The following USP32 variants were observed in gnomAD, a reference collection of about 807,000 sequenced individuals.
USP32 encodes the protein ubiquitin carboxyl-terminal hydrolase 32.
USP32 carries 59 observed loss-of-function variants against 204.8 expected under a neutral mutation model. The observed-to-expected ratio is 0.29, with a 90% CI of 0.23 to 0.36. The LOEUF is 0.36. Ranked by LOEUF, USP32 falls within the 10% of genes least tolerant of loss-of-function variation. USP32 has a pLI of 1.00. For missense variants in USP32, 1,160 were observed against 1,946.4 expected, an observed-to-expected ratio of 0.60 and a Z score of 7.60; for synonymous variants, 517 against 678.4, an observed-to-expected ratio of 0.76 and a Z score of 3.70.
chr17:60,421,625 G>A (rs1205269805), intron 1 of USP32: 6 of 974,454 alleles, frequency 6.2e-6, no homozygotes, highest in African/African-American at 5.3e-5. Flanking sequence ...CCGGGACCCC[G>A]CCGTGTGCCG....
At chr17:60,293,389 T>C (rs923917807) in intron 4 of USP32, among the ~76,000 whole-genome samples, 1 of 152,224 alleles carries the variant, frequency 6.6e-6, no homozygotes, top group Non-Finnish European at 1.5e-5. Flanking sequence ...TGCTAGATTA[T>C]CTTTTTTTCT....
In USP32 at chr17:60,219,614, C is replaced by T. The variant is rs539200731; in HGVS notation, c.1867+56G>A. On this transcript the variant is annotated intron_variant, in intron 16 of 33. Coordinates refer to ENST00000300896, the MANE Select transcript of USP32 (RefSeq NM_032582.4). ...AAGGAAATGCATGGTATTCTTGCTG[C>T]ATTCTTAAGTTACCTCTCGGTAAAT... 5.1e-4 allele frequency: 348 copies of T among 682,186 alleles called. 1 individual carries two copies. The African/African-American group carries it at 7.3e-3, about 14-fold the overall frequency. 42.3% of individuals were successfully genotyped at this position (682,186 alleles called of 1,614,324 possible).
upstream of USP32, among the ~76,000 whole-genome samples, chr17:60,395,893 C>G (rs1024419344): frequency 6.6e-6 from 1 of 151,956 alleles, no homozygotes; most frequent in African/African-American, 2.4e-5. Flanking sequence ...AGAGGGAGGT[C>G]AATACAATAG....
At chr17:60,266,844 C>A (rs377278378) in intron 7 of USP32, among the ~76,000 whole-genome samples, 1 of 151,750 alleles carries the variant, frequency 6.6e-6, no homozygotes, top group Non-Finnish European at 1.5e-5. Context: ...TTAGTAGAGA[C>A]GGGGTTTCAC....
intron 7 of USP32, among the ~76,000 whole-genome samples, chr17:60,268,347 T>C (rs2086646532): frequency 6.6e-6 from 1 of 151,224 alleles, no homozygotes; most frequent in East Asian, 1.9e-4. Context: ...GGTGGGCGGA[T>C]CATTTAAGGC....
intron 1 of USP32, among the ~76,000 whole-genome samples, chr17:60,397,455 G>A (rs1413906879): frequency 6.6e-6 from 1 of 152,094 alleles, no homozygotes; most frequent in Admixed American, 6.5e-5. Context: ...CTCAAACCCT[G>A]GGCTCAAGAA....
At chr17:60,198,677 A>C (rs1032103310) in intron 26 of USP32, among the ~76,000 whole-genome samples, 4 of 152,256 alleles carry the variant, frequency 2.6e-5, no homozygotes, top group African/African-American at 9.6e-5. Flanking sequence ...CTATTCTATC[A>C]AATTTGGGTT....
chr17:60,218,838 GC>G (rs2085170676), intron 16 of USP32, among the ~76,000 whole-genome samples: 1 of 152,102 alleles, frequency 6.6e-6, no homozygotes, highest in South Asian at 2.1e-4. Flanking sequence ...CAAGTAATCT[GC>G]CCACCTCAGC....
At chr17:60,414,674 C>A (rs1235468504) in intron 1 of USP32, among the ~76,000 whole-genome samples, 1 of 152,008 alleles carries the variant, frequency 6.6e-6, no homozygotes, top group East Asian at 1.9e-4. Flanking sequence ...GGAGATCCAC[C>A]CGCCTTGGCC....
At chr17:60,392,718 G>A (rs2146148870), upstream of USP32, 1 of 413,612 alleles carries the variant, frequency 2.4e-6, no homozygotes, top group East Asian at 8.3e-5. Flanking sequence ...GAATCTCAAG[G>A]CTTTCCTGTG....
Position 60,247,514 on chromosome 17 carries a change from G to GT in USP32, c.1136+4866dup, listed in dbSNP as rs1209722169. Among the ~76,000 whole-genome samples the GT allele has an allele frequency of 3.3e-5, 5 of 152,154 alleles. No homozygotes were observed. The South Asian group carries it at 1.0e-3, about 32-fold the overall frequency. On this transcript the variant is annotated intron_variant, in intron 11 of 33. Coordinates refer to ENST00000300896, the MANE Select transcript of USP32 (RefSeq NM_032582.4). ...CATTTTGATTTGATTTTAGTGTATG[G>GT]TAAGAAATTGGGAACTGGTTTCATT... is the stretch of plus-strand genomic sequence containing the variant.
At chr17:60,267,576 G>A (rs2086626489) in intron 7 of USP32, among the ~76,000 whole-genome samples, 1 of 151,466 alleles carries the variant, frequency 6.6e-6, no homozygotes, top group African/African-American at 2.4e-5. Flanking sequence ...CACCCAGGCT[G>A]GAGTGCAGTT....
chr17:60,420,627 A>T (rs537490845), intron 1 of USP32, among the ~76,000 whole-genome samples: 41 of 152,330 alleles, frequency 2.7e-4, no homozygotes, highest in African/African-American at 6.7e-4. Context: ...AGATCACGCC[A>T]TTGCTCCAGC....
At chr17:60,202,316 T>G (rs2084697276) in intron 26 of USP32, among the ~76,000 whole-genome samples, 1 of 152,244 alleles carries the variant, frequency 6.6e-6, no homozygotes, top group Admixed American at 6.5e-5. Flanking sequence ...CATATCTTTG[T>G]GAAATAAATC....
intron 28 of USP32, among the ~76,000 whole-genome samples, chr17:60,191,355 T>G (rs2084374765): frequency 7.2e-6 from 1 of 138,654 alleles, no homozygotes; most frequent in South Asian, 2.4e-4. Flanking sequence ...TGAGCCGAGG[T>G]TGCACCACTG....
intron 27 of USP32, among the ~76,000 whole-genome samples, chr17:60,196,003 A>G (rs113408126): frequency 0.062 from 9,461 of 152,260 alleles, 1,055 homozygotes; most frequent in African/African-American, 0.22. Flanking sequence ...CGGGTGCAGC[A>G]GCTCACGCCT....
intron 12 of USP32, among the ~76,000 whole-genome samples, chr17:60,228,654 CAAA>C (rs1163405122): frequency 2.0e-5 from 3 of 150,492 alleles, no homozygotes; most frequent in East Asian, 3.9e-4. Flanking sequence ...CCCGTCTTTA[CAAA>C]AAAATATTAA....
chr17:60,334,506 A>G (rs1443051053), intron 2 of USP32, among the ~76,000 whole-genome samples: 5 of 152,018 alleles, frequency 3.3e-5, no homozygotes, highest in Admixed American at 6.6e-5. Flanking sequence ...AAATCTGTGT[A>G]TAAGTGAAAC....
At chr17:60,273,961 CAAAAAAA>C (rs35639109) in intron 5 of USP32, among the ~76,000 whole-genome samples, 15 of 42,274 alleles carry the variant, frequency 3.5e-4, no homozygotes, top group Non-Finnish European at 6.1e-4. Context: ...GACTCAGTCT[CAAAAAAA>C]AAAAAAAAAA....
Sources: gnomAD v4.1 joint callset for allele counts (sites outside exome capture counted in the v4.1 genomes callset) on GRCh38, gnomAD v4.1.1 for gene constraint, MANE v1.5 for transcripts, NCBI Gene and HGNC (gene_info 2026-07-23, HGNC 2026-07-21) for gene names.